The following FCHO1 variants were observed in gnomAD, a reference collection of about 807,000 sequenced individuals.
FCHO1 encodes FCH and mu domain containing endocytic adaptor 1.
A neutral mutation model predicts 114.4 loss-of-function variants in FCHO1; 45 were observed. The ratio of observed to expected loss-of-function variants is 0.39; its 90% CI spans 0.31 to 0.50. The LOEUF (loss-of-function observed/expected upper bound fraction) is 0.50. Ranked by LOEUF, FCHO1 falls within the 20% of genes least tolerant of loss-of-function variation. The pLI is 0.77. For missense variants in FCHO1, 1,042 were observed against 1,209.6 expected (o/e 0.86, Z 2.06); for synonymous variants, 480 against 488.9 (o/e 0.98, Z 0.24).
intron 13 of FCHO1, 119 bp from the exon 14 acceptor site, chr19:17,774,937 C>A: frequency 8.7e-7 from 1 of 1,149,784 alleles, no homozygotes; most frequent in Non-Finnish European, 1.3e-6. Context: ...CTAGGGCTAG[C>A]TCAGGGCAGT....
Position 17,772,535 on chromosome 19 carries a change from A to C in FCHO1, c.673A>C (p.Thr225Pro). The change falls in exon 10 of 29, where the codon ACG (threonine) becomes CCG (proline). Residue 225 changes from threonine (T) to proline (P), a missense_variant. Physicochemically the swap from Thr to Pro is conservative, Grantham distance 38. This residue lies in a region of FCHO1 where 450 missense variants were observed against 564.1 expected (regional missense o/e 0.80). Coordinates refer to ENST00000596536, the MANE Select transcript of FCHO1 (RefSeq NM_015122.3). ...LGSYAHSVEDTHVQIGQVHEE... is the reference protein window; with the variant it reads ...LGSYAHSVEDPHVQIGQVHEE... ...CTCATATGCTCACTCGGTGGAGGAC[A>C]CGCACGTGCAGATTGGGCAGGTGAG... 6.2e-7 allele frequency: 1 copy of C among 1,614,150 alleles called. No individual in the cohort carries two copies. Among genetic ancestry groups the C allele is most frequent in the Non-Finnish European group, 8.5e-7 (1 of 1,180,030 alleles).
At chr19:17,767,048 C>A (rs559382858) in intron 7 of FCHO1, among the ~76,000 whole-genome samples, 1 of 151,494 alleles carries the variant, frequency 6.6e-6, no homozygotes, top group Non-Finnish European at 1.5e-5. Context: ...GCCCACCCCC[C>A]ACCAATGTTT....
intron 11 of FCHO1, among the ~76,000 whole-genome samples, chr19:17,773,424 C>T (rs868634093): frequency 6.6e-6 from 1 of 152,188 alleles, no homozygotes; most frequent in Admixed American, 6.5e-5. Flanking sequence ...ACTAGCAAAA[C>T]CTGTTCTTTC....
At chr19:17,750,254 T>C (rs1367330305), upstream of FCHO1, among the ~76,000 whole-genome samples, 1 of 152,184 alleles carries the variant, frequency 6.6e-6, no homozygotes, top group South Asian at 2.1e-4. Context: ...CTGGGAGACT[T>C]GGGTTCTAGC....
chr19:17,764,580 G>C, intron 6 of FCHO1, 131 bp downstream of exon 6: 1 of 693,856 alleles, frequency 1.4e-6, no homozygotes, highest in Non-Finnish European at 2.4e-6. Context: ...ATAGAGGGAT[G>C]TATATCATTC....
At chr19:17,772,408 C>A in intron 9 of FCHO1, 49 bp from the exon 10 acceptor site, 3 of 1,429,088 alleles carry the variant, frequency 2.1e-6, no homozygotes, top group Non-Finnish European at 3.0e-6. Flanking sequence ...ATGGCCACTT[C>A]TTCTTGGCCC....
In FCHO1 at chr19:17,763,000, T is replaced by G. The variant is rs1039563581; in HGVS notation, c.119+147T>G. On this transcript the variant is annotated intron_variant, in intron 5 of 28. Transcript: ENST00000596536. ...GCTCGAAAATCCTGGAAATGACCGATTCTCAACCCGGTCAGGCCCATATCT... is the reference window on the plus strand; with the variant it reads ...GCTCGAAAATCCTGGAAATGACCGAGTCTCAACCCGGTCAGGCCCATATCT... 4 of 605,354 alleles carry G rather than the reference T, an allele frequency of 6.6e-6. No homozygotes were observed. In the African/African-American group the frequency reaches 7.4e-5, roughly 11 times the overall value. The allele number at this position is 605,354 out of a possible 1,614,324, so 37.5% of individuals were successfully genotyped here.
chr19:17,778,563 CTGAG>C (rs1555728353), intron 19 of FCHO1, 42 bp from the exon 20 acceptor site: 3 of 1,483,168 alleles, frequency 2.0e-6, no homozygotes, highest in Non-Finnish European at 1.8e-6. Flanking sequence ...GGCAGGGACT[CTGAG>C]TGGGCGAGGG....
chr19:17,762,430 G>C (rs1237978078), intron 4 of FCHO1, among the ~76,000 whole-genome samples: 2 of 151,984 alleles, frequency 1.3e-5, no homozygotes, highest in African/African-American at 4.8e-5. Flanking sequence ...AAGGGGAGGA[G>C]ACTGAGACAG....
Position 17,757,293 on chromosome 19 carries a change from C to A in FCHO1, c.27+2102C>A, listed in dbSNP as rs530237181. Among the ~76,000 whole-genome samples, 6 of 152,228 alleles carry A rather than the reference C, an allele frequency of 3.9e-5. No homozygotes were observed. The East Asian group carries it at 1.2e-3, about 29-fold the overall frequency. On this transcript the variant is annotated intron_variant, in intron 4 of 28. Coordinates refer to ENST00000596536, the MANE Select transcript of FCHO1 (RefSeq NM_015122.3). ...ACCTGAGACAGCCCCTCCTAGGACCCTCGGCTGCCAGCCCAGTCCAAGAGA... is the reference window on the plus strand; with the variant it reads ...ACCTGAGACAGCCCCTCCTAGGACCATCGGCTGCCAGCCCAGTCCAAGAGA...
Position 17,770,859 on chromosome 19 carries a change from G to T in FCHO1, c.557G>T (p.Arg186Leu), listed in dbSNP as rs147599881. 25 of 1,614,132 alleles carry T rather than the reference G, an allele frequency of 1.5e-5. No homozygotes were observed. The South Asian group carries it at 2.5e-4, about 16-fold the overall frequency. ...RRSVEKYNSA[R>L]ADFEQKMLDS... ...TCAGTGGAAAAATACAACTCAGCCC[G>T]AGCTGACTTTGAGCAGAAGATGCTG... The change falls in exon 9 of 29, where the codon CGA becomes CTA. Residue 186 changes from arginine (R) to leucine (L), a missense_variant. Physicochemically the swap from Arg to Leu is moderately radical, Grantham distance 102 (BLOSUM62 -2). Transcript: ENST00000596536.
Position 17,784,379 on chromosome 19 carries a change from C to A in FCHO1, c.2226+144C>A. 2 of 1,065,350 alleles carry A rather than the reference C, an allele frequency of 1.9e-6. No homozygotes were observed. The highest frequency in any genetic ancestry group is 2.7e-6 in the Non-Finnish European group (2 of 744,754). 66.0% of individuals were successfully genotyped at this position (1,065,350 alleles called of 1,614,324 possible). A position where few individuals can be genotyped will look rare whatever the true frequency, so the allele number is the denominator to read the frequency against. ...GATCCAATCTGTGAGAGCCGATGAGCTGGAGGGAGTAGGCAGTGTGGGTCG... is the reference window on the plus strand; with the variant it reads ...GATCCAATCTGTGAGAGCCGATGAGATGGAGGGAGTAGGCAGTGTGGGTCG... On this transcript the variant is annotated intron_variant, in intron 25 of 28. Transcript: ENST00000596536. The surrounding 1 kb of genome is among the most constrained non-coding windows in gnomAD (Gnocchi z 5.3).
At chr19:17,756,355 G>A (rs935985816) in intron 4 of FCHO1, among the ~76,000 whole-genome samples, 2 of 152,176 alleles carry the variant, frequency 1.3e-5, no homozygotes, top group African/African-American at 4.8e-5. Context: ...ACCATTTGAG[G>A]ATCAAAAGTC....
intron 7 of FCHO1, 124 bp from the exon 8 acceptor site, chr19:17,770,300 TA>T (rs1456415060): frequency 4.1e-5 from 41 of 1,002,508 alleles, no homozygotes; most frequent in South Asian, 7.6e-5. Flanking sequence ...AAACTCTGTC[TA>T]AAAAAAACCA....
chr19:17,785,969 A>G (rs1221034480), intron 26 of FCHO1, among the ~76,000 whole-genome samples: 1 of 151,650 alleles, frequency 6.6e-6, no homozygotes, highest in African/African-American at 2.4e-5. Flanking sequence ...CTCTTAAAAA[A>G]CAAAAATTTA....
In FCHO1 at chr19:17,762,776, T is replaced by C. The variant is rs754433367; in HGVS notation, c.42T>C (p.His14=). 3 of 1,613,682 alleles carry C rather than the reference T, an allele frequency of 1.9e-6. No homozygotes were observed. The highest frequency in any genetic ancestry group is 1.1e-5 in the South Asian group (1 of 91,066). The change falls in exon 5 of 29, where the codon CAT becomes CAC. Residue 14 remains histidine (H), a synonymous_variant. Coordinates refer to ENST00000596536, the MANE Select transcript of FCHO1 (RefSeq NM_015122.3). Reference sequence around the variant, plus strand: ...ATCCCCTGCAGGGCGAGAAAAATCATGGCTTTGAGGTCCTGTACCACAGCG... The same window carrying C: ...ATCCCCTGCAGGGCGAGAAAAATCACGGCTTTGAGGTCCTGTACCACAGCG... The part of the protein sequence containing the change: ...FGEHFWGEKN[H]GFEVLYHSVK...
intron 1 of FCHO1, chr19:17,753,809 G>A (rs573254362): frequency 1.3e-5 from 2 of 152,352 alleles, no homozygotes; most frequent in South Asian, 4.1e-4. Flanking sequence ...TGGGATTACA[G>A]GTGCCCGCCA....
At chr19:17,755,627 G>A (rs1335649019) in intron 4 of FCHO1, 1 of 159,234 alleles carries the variant, frequency 6.3e-6, no homozygotes, top group Non-Finnish European at 1.4e-5. Context: ...CCAGGCTGGA[G>A]ATCACCTCCT....
At chr19:17,750,120 C>A (rs1191155062), upstream of FCHO1, among the ~76,000 whole-genome samples, 1 of 152,138 alleles carries the variant, frequency 6.6e-6, no homozygotes, top group African/African-American at 2.4e-5. Flanking sequence ...ATGTCTCAGC[C>A]CCAGGTTTGC....
Sources: allele counts gnomAD v4.1 joint callset (sites outside exome capture counted in the v4.1 genomes callset), GRCh38; gene constraint gnomAD v4.1.1; regional missense constraint gnomAD v4.1.1; non-coding constraint Gnocchi (gnomAD v3.1); transcripts MANE v1.5; gene names NCBI Gene and HGNC (gene_info 2026-07-23, HGNC 2026-07-21).